ABLIM3: variants seen among roughly 807,000 people sequenced by gnomAD.
ABLIM3 encodes actin-binding LIM protein 3.
Under a neutral mutation model 109.5 loss-of-function variants are expected in ABLIM3, and 61 were observed. That is an observed-to-expected ratio of 0.56 (90% CI 0.45 to 0.69). The LOEUF is 0.69. Ranked by LOEUF, ABLIM3 falls within the 30% of genes least tolerant of loss-of-function variation. ABLIM3 has a pLI of 0.00. For synonymous variants in ABLIM3, 300 were observed against 324.8 expected, an observed-to-expected ratio of 0.92 and a Z score of 0.82; for missense variants, 796 against 889.5, an observed-to-expected ratio of 0.89 and a Z score of 1.34.
At chr5:149,253,889 T>C (rs1364001248) in intron 23 of ABLIM3, among the ~76,000 whole-genome samples, 1 of 152,028 alleles carries the variant, frequency 6.6e-6, no homozygotes, top group Admixed American at 6.5e-5. Flanking sequence ...GGGTAATTTA[T>C]AAAGAAAAAA....
At chr5:149,239,952 T>C in intron 13 of ABLIM3, 64 bp downstream of exon 13, 1 of 1,537,030 alleles carries the variant, frequency 6.5e-7, no homozygotes, top group South Asian at 1.3e-5. Flanking sequence ...TCACTTGGGG[T>C]CCCTGCTGCA....
rs35479445 is a variant in ABLIM3, at chr5:149,160,461, C to CA, written c.13+18368dup. On this transcript the variant is annotated intron_variant, in intron 2 of 23. Coordinates refer to ENST00000309868, the MANE Select transcript of ABLIM3 (RefSeq NM_014945.5). ...CGACAGAGTGAGTGAGACTCCGTCT[C>CA]AAAAAAAAAAAAAAAGAAGGAAATT... 3.6e-3 allele frequency among the ~76,000 whole-genome samples: 468 copies of CA among 130,178 alleles called. 2 individuals are homozygous for CA. Among genetic ancestry groups the CA allele is most frequent in the African/African-American group, 0.012 (422 of 34,716 alleles). 85.4% of individuals were successfully genotyped at this position (130,178 alleles called of 152,430 possible). A position where few individuals can be genotyped will look rare whatever the true frequency, so the allele number is the denominator to read the frequency against.
intron 2 of ABLIM3, among the ~76,000 whole-genome samples, chr5:149,156,469 C>G (rs1233193411): frequency 6.6e-6 from 1 of 152,180 alleles, no homozygotes; most frequent in Non-Finnish European, 1.5e-5. Context: ...TTTGAATGTA[C>G]TATTTTGGGA....
At chr5:149,246,617 C>A in intron 17 of ABLIM3, 71 bp downstream of exon 17, 3 of 1,483,812 alleles carry the variant, frequency 2.0e-6, no homozygotes, top group Admixed American at 2.1e-5. Flanking sequence ...CATTTACAAG[C>A]AACAAAAAAC....
At chr5:149,196,179 C>G (rs957860799) in intron 3 of ABLIM3, among the ~76,000 whole-genome samples, 1 of 152,154 alleles carries the variant, frequency 6.6e-6, no homozygotes. Context: ...TCTGAAGCTG[C>G]CTTCTCCTCA....
intron 23 of ABLIM3, 26 bp from the exon 24 acceptor site, chr5:149,258,265 A>T: frequency 6.9e-7 from 1 of 1,454,602 alleles, no homozygotes; most frequent in South Asian, 1.2e-5. Flanking sequence ...CTGTCCCCCC[A>T]CCCCCGCCTG....
chr5:149,186,394 C>A (rs1336965957), intron 3 of ABLIM3, among the ~76,000 whole-genome samples: 1 of 151,398 alleles, frequency 6.6e-6, no homozygotes, highest in Non-Finnish European at 1.5e-5. Flanking sequence ...AGCCTGGTGA[C>A]AAATTGAGAC....
intron 22 of ABLIM3, chr5:149,252,481 T>C: frequency 1.8e-6 from 1 of 550,442 alleles, no homozygotes. Context: ...ACACTTACAT[T>C]CGGGAGGTCA....
intron 2 of ABLIM3, among the ~76,000 whole-genome samples, chr5:149,178,230 C>T: frequency 6.6e-6 from 1 of 152,182 alleles, no homozygotes; most frequent in East Asian, 1.9e-4. Flanking sequence ...CTGCAAAATG[C>T]CTGGACCCAC....
rs1423992123 is a variant in ABLIM3 at position 149,245,031 on chromosome 5, G to C, written c.1486+16G>C. On this transcript the variant is annotated intron_variant, in intron 16 of 23. Transcript: ENST00000309868. ...TCCCCCAAAGGTAGTACCCCCATAG[G>C]AGCCTGGGTCCAGGGCCCTAACACC... is the stretch of plus-strand genomic sequence containing the variant. 1 of 1,614,124 alleles carries C rather than the reference G, an allele frequency of 6.2e-7. No individual in the cohort carries two copies. Among genetic ancestry groups the C allele is most frequent in the Non-Finnish European group, 8.5e-7 (1 of 1,180,006 alleles).
At chr5:149,151,627 G>C (rs1753441778) in intron 2 of ABLIM3, among the ~76,000 whole-genome samples, 1 of 152,192 alleles carries the variant, frequency 6.6e-6, no homozygotes, top group Non-Finnish European at 1.5e-5. Flanking sequence ...CTCTTCCTAA[G>C]AATCTGAAGG....
At chr5:149,184,129 G>T (rs1160955890) in intron 3 of ABLIM3, among the ~76,000 whole-genome samples, 1 of 151,914 alleles carries the variant, frequency 6.6e-6, no homozygotes, top group African/African-American at 2.4e-5. Flanking sequence ...GCTTACACAG[G>T]GCTAATTTAT....
chr5:149,162,447 A>G (rs1754458221), intron 2 of ABLIM3, among the ~76,000 whole-genome samples: 1 of 152,214 alleles, frequency 6.6e-6, no homozygotes, highest in Non-Finnish European at 1.5e-5. Flanking sequence ...CCAAAAGCAT[A>G]GTCTCTACAA....
intron 2 of ABLIM3, among the ~76,000 whole-genome samples, chr5:149,158,478 A>T (rs1365361798): frequency 6.6e-6 from 1 of 152,248 alleles, no homozygotes; most frequent in Non-Finnish European, 1.5e-5. Context: ...ATGTGGTTGC[A>T]TGGTTGTATA....
At chr5:149,207,860 T>G (rs1759153318) in intron 6 of ABLIM3, among the ~76,000 whole-genome samples, 2 of 152,232 alleles carry the variant, frequency 1.3e-5, no homozygotes, top group Admixed American at 1.3e-4. Flanking sequence ...ACCCACACAC[T>G]GCAGTATTAG....
chr5:149,152,185 G>T (rs981425870), intron 2 of ABLIM3, among the ~76,000 whole-genome samples: 1 of 152,118 alleles, frequency 6.6e-6, no homozygotes, highest in Non-Finnish European at 1.5e-5. Flanking sequence ...TTTGGATGGG[G>T]TATATACTTA....
At chr5:149,175,623 G>A (rs1010962933) in intron 2 of ABLIM3, among the ~76,000 whole-genome samples, 3 of 152,064 alleles carry the variant, frequency 2.0e-5, no homozygotes, top group South Asian at 2.1e-4. Context: ...AAGGAGGGGC[G>A]GGCAATCCGG....
chr5:149,215,894 T>A (rs192951395), intron 7 of ABLIM3, among the ~76,000 whole-genome samples: 9 of 152,286 alleles, frequency 5.9e-5, no homozygotes, highest in Admixed American at 4.6e-4. Context: ...CTCACACACA[T>A]CCGGACCCAA....
intron 2 of ABLIM3, among the ~76,000 whole-genome samples, chr5:149,159,509 C>A (rs1443413179): frequency 6.6e-6 from 1 of 152,130 alleles, no homozygotes; most frequent in African/African-American, 2.4e-5. Context: ...TCATTAATTG[C>A]AAATCATGCC....
Sources: allele counts gnomAD v4.1 joint callset (sites outside exome capture counted in the v4.1 genomes callset), GRCh38; gene constraint gnomAD v4.1.1; transcripts MANE v1.5; gene names NCBI Gene and HGNC (gene_info 2026-07-23, HGNC 2026-07-21).